CHFR: variants seen among roughly 807,000 people sequenced by gnomAD.
The protein encoded by CHFR is checkpoint with forkhead and ring finger domains, also known as E3 ubiquitin-protein ligase CHFR.
Under a neutral mutation model 87.6 loss-of-function variants are expected in CHFR, and 57 were observed. The observed-to-expected ratio is 0.65, with a 90% CI of 0.53 to 0.81. CHFR has a LOEUF of 0.81. Among genes scored for constraint, CHFR ranks in the 30% least tolerant of loss-of-function variants. CHFR has a pLI of 0.00. For missense variants in CHFR, 797 were observed against 865.8 expected (o/e 0.92, Z 1.00); for synonymous variants, 381 against 359.2 (o/e 1.06, Z -0.69).
intron 10 of CHFR, 71 bp downstream of exon 10, chr12:132,856,397 T>C (rs1333657607): frequency 1.4e-5 from 21 of 1,533,320 alleles, no homozygotes; most frequent in South Asian, 6.8e-5. Flanking sequence ...CACCCAGTAG[T>C]GAGCTCTCGG....
In CHFR at chr12:132,835,631, G is replaced by GTA; in HGVS notation, c.*5922_*5923insTA. On this transcript the variant is annotated 3_prime_UTR_variant, in exon 18 of 18. Coordinates refer to ENST00000450056, the MANE Select transcript of CHFR (RefSeq NM_001161346.2). ...ACGAGCCAAGGAGACAGACCAAAGA[G>GTA]GAACCGGCCCCGCTGACACCCTGAT... is the stretch of plus-strand genomic sequence containing the variant. 2 of 190,074 alleles carry GTA rather than the reference G, an allele frequency of 1.1e-5. No individual in the cohort carries two copies. The highest frequency in any genetic ancestry group is 1.5e-4 in the South Asian group (2 of 12,994). 11.8% of individuals were successfully genotyped at this position (190,074 alleles called of 1,614,324 possible).
rs148932455 is a variant in CHFR, at chr12:132,861,636, T to C, written c.584-2A>G. On this transcript the variant is annotated splice_acceptor_variant, in intron 6 of 17. Coordinates refer to ENST00000450056, the MANE Select transcript of CHFR (RefSeq NM_001161346.2). LOFTEE classifies it high-confidence loss of function. ...GGGAGATGCCACCACCCCCAGACCCTGTGAGAGGAATCAAACAAGATAGGT... is the reference window on the plus strand; with the variant it reads ...GGGAGATGCCACCACCCCCAGACCCCGTGAGAGGAATCAAACAAGATAGGT... The C allele has an allele frequency of 7.9e-5, 127 of 1,613,550 alleles. No individual in the cohort carries two copies. Among genetic ancestry groups the C allele is most frequent in the Non-Finnish European group, 1.0e-4 (122 of 1,179,710 alleles).
chr12:132,851,854 A>C (rs1593460139), intron 11 of CHFR, 117 bp from the exon 12 acceptor site: 5 of 1,268,724 alleles, frequency 3.9e-6, no homozygotes, highest in Middle Eastern at 5.8e-4. Flanking sequence ...GCCGGGGAAG[A>C]AGCAGACCTG....
chr12:132,862,046 G>C (rs1951221319), intron 6 of CHFR: 1 of 205,182 alleles, frequency 4.9e-6, no homozygotes, highest in Admixed American at 5.3e-5. Context: ...GCCGAAGCAA[G>C]TGGATCACCT....
In CHFR at chr12:132,837,120, A is replaced by G. The variant is rs1437839693; in HGVS notation, c.*4434T>C. The stretch of plus-strand genomic sequence containing the variant: ...TGGTTCGGTGGAGAAGCAGAGGAAC[A>G]CCTGAGGGGCTCCAGGAGAAGCAGG... On this transcript the variant is annotated 3_prime_UTR_variant, in exon 18 of 18. Coordinates refer to ENST00000450056, the MANE Select transcript of CHFR (RefSeq NM_001161346.2). The G allele has an allele frequency of 1.3e-5, 4 of 298,000 alleles. No individual in the cohort carries two copies. Among genetic ancestry groups the G allele is most frequent in the Non-Finnish European group, 2.6e-5 (4 of 153,090 alleles). The allele number at this position is 298,000 out of a possible 1,614,324, so 18.5% of individuals were successfully genotyped here. A position where few individuals can be genotyped will look rare whatever the true frequency, so the allele number is the denominator to read the frequency against.
chr12:132,869,874 C>A (rs758453894), intron 5 of CHFR, 76 bp from the exon 6 acceptor site: 2 of 1,483,520 alleles, frequency 1.3e-6, no homozygotes, highest in Non-Finnish European at 9.2e-7. Context: ...ACAACCAGGG[C>A]TCAAGCAGAC....
intron 6 of CHFR, among the ~76,000 whole-genome samples, chr12:132,864,186 AACAC>A (rs1436064229): frequency 6.6e-6 from 1 of 151,954 alleles, no homozygotes; most frequent in African/African-American, 2.4e-5. Flanking sequence ...GAAAAAAAAA[AACAC>A]AAGAAACTGG....
intron 3 of CHFR, among the ~76,000 whole-genome samples, chr12:132,875,455 A>G (rs1951608551): frequency 6.6e-6 from 1 of 152,020 alleles, no homozygotes; most frequent in Non-Finnish European, 1.5e-5. Flanking sequence ...CAGCCTGGCT[A>G]GCATTGTGAA....
Position 132,843,777 on chromosome 12 carries a change from C to T in CHFR, c.1843+250G>A, listed in dbSNP as rs529253276. On this transcript the variant is annotated intron_variant, in intron 16 of 17. Coordinates refer to ENST00000450056, the MANE Select transcript of CHFR (RefSeq NM_001161346.2). ...CAGCCTGGCCAACATGGTGAAACCC[C>T]GTCTCTACTAAAACACAAAAAATTA... Among the ~76,000 whole-genome samples, 29 of 152,036 alleles carry T rather than the reference C, an allele frequency of 1.9e-4. No homozygotes were observed. The South Asian group carries it at 2.3e-3, about 12-fold the overall frequency.
rs1566177134 is a variant in CHFR at position 132,847,843 on chromosome 12, C to T, written c.1647+242G>A. 22 of 1,356,336 alleles carry T rather than the reference C, an allele frequency of 1.6e-5. No individual in the cohort carries two copies. The Middle Eastern group carries it at 1.4e-3, about 88-fold the overall frequency. 84.0% of individuals were successfully genotyped at this position (1,356,336 alleles called of 1,614,324 possible). A position where few individuals can be genotyped will look rare whatever the true frequency, so the allele number is the denominator to read the frequency against. On this transcript the variant is annotated intron_variant, in intron 14 of 17. Coordinates refer to ENST00000450056, the MANE Select transcript of CHFR (RefSeq NM_001161346.2). ...CAAGAGCTGCGGGAAGCGGCTCCTACGAATTGGTGGCAGGAGGCACAAAAA... is the reference window on the plus strand; with the variant it reads ...CAAGAGCTGCGGGAAGCGGCTCCTATGAATTGGTGGCAGGAGGCACAAAAA...
intron 10 of CHFR, chr12:132,854,239 T>C (rs1177120710): frequency 6.6e-6 from 1 of 151,726 alleles, no homozygotes; most frequent in Non-Finnish European, 1.5e-5. Context: ...GAAAATGAGA[T>C]TACCTACTTC....
chr12:132,853,336 G>A (rs1950987752), intron 11 of CHFR, 95 bp downstream of exon 11: 1 of 1,294,876 alleles, frequency 7.7e-7, no homozygotes, highest in Non-Finnish European at 1.0e-6. Context: ...GTGCAGACAG[G>A]AGGCGGGCAG....
intron 10 of CHFR, 21 bp from the exon 11 acceptor site, chr12:132,853,594 G>A (rs534389499): frequency 2.0e-5 from 31 of 1,519,906 alleles, no homozygotes; most frequent in Middle Eastern, 1.7e-4. Flanking sequence ...GCACAGGGCC[G>A]AGCTGTGTGC....
chr12:132,853,433 G>A lies in CHFR; in HGVS notation c.1370C>T (p.Thr457Ile). 1 of 1,523,990 alleles carries A rather than the reference G, an allele frequency of 6.6e-7. No homozygotes were observed. Among genetic ancestry groups the A allele is most frequent in the Non-Finnish European group, 8.7e-7 (1 of 1,144,756 alleles). 94.4% of individuals were successfully genotyped at this position (1,523,990 alleles called of 1,614,324 possible). The part of the protein sequence containing the change: ...DAPSTSVSLT[T>I]AVQDYVCPLQ... ...GGCCTGAGGGCGGCGCGGCTCACCTGTCGTCAGGCTGACGGACGTGGAGGG... is the reference window on the plus strand; with the variant it reads ...GGCCTGAGGGCGGCGCGGCTCACCTATCGTCAGGCTGACGGACGTGGAGGG... Residue 457 changes from threonine to isoleucine, a missense_variant and splice_region_variant, in exon 11 of 18, where the codon ACA becomes ATA. By Grantham distance (89) the Thr-to-Ile change is moderately conservative. Transcript: ENST00000450056.
chr12:132,849,972 TAGAC>T (rs1950904088), intron 12 of CHFR: 1 of 149,402 alleles, frequency 6.7e-6, no homozygotes, highest in Non-Finnish European at 1.5e-5. Context: ...TTATTTATTT[TAGAC>T]AGAGTCTTGC....
intron 13 of CHFR, 88 bp downstream of exon 13, chr12:132,848,553 G>A (rs1033520177): frequency 2.0e-6 from 2 of 1,006,756 alleles, no homozygotes; most frequent in Non-Finnish European, 3.0e-6. Context: ...TAAACATCAG[G>A]CTATGGACCC....
rs75850993 is a variant in CHFR at position 132,839,225 on chromosome 12, G to A, written c.*2329C>T. The A allele has an allele frequency of 0.014, 2,331 of 162,028 alleles. 41 individuals carry two copies. Among genetic ancestry groups the A allele is most frequent in the East Asian group, 0.059 (306 of 5,224 alleles). The allele number at this position is 162,028 out of a possible 1,614,324, so 10.0% of individuals were successfully genotyped here. A position where few individuals can be genotyped will look rare whatever the true frequency, so the allele number is the denominator to read the frequency against. On this transcript the variant is annotated 3_prime_UTR_variant, in exon 18 of 18. Coordinates refer to ENST00000450056, the MANE Select transcript of CHFR (RefSeq NM_001161346.2). Reference sequence around the variant, plus strand: ...CAACCGATCTCTCTAAGACACAGACGCAGGGTAGCCCCAGCCCACTTCATT... The same window carrying A: ...CAACCGATCTCTCTAAGACACAGACACAGGGTAGCCCCAGCCCACTTCATT...
At chr12:132,876,630 CA>C (rs1273035191) in intron 3 of CHFR, among the ~76,000 whole-genome samples, 1 of 152,022 alleles carries the variant, frequency 6.6e-6, no homozygotes, top group African/African-American at 2.4e-5. Flanking sequence ...CAAAAATTAC[CA>C]GCATCTTTTA....
At position 132,861,559 on chromosome 12, in the gene CHFR, G is replaced by A; in HGVS notation, c.659C>T (p.Ser220Leu). ...VASDEVSSFA[S>L]ALPDRKTASF... ...CGCAGTCTTTCTGTCTGGGAGAGCT[G>A]AGGCAAAGCTGGAGACTTCATCACT... is the stretch of plus-strand genomic sequence containing the variant. Residue 220 changes from serine (S) to leucine (L), a missense_variant, in exon 7 of 18, where the codon TCA (serine) becomes TTA (leucine). Physicochemically the swap from Ser to Leu is moderately radical, Grantham distance 145 (BLOSUM62 -2). This residue lies in a region of CHFR where 597 missense variants were observed against 601.2 expected (regional missense o/e 0.99). Coordinates refer to ENST00000450056, the MANE Select transcript of CHFR (RefSeq NM_001161346.2). 2 of 1,614,200 alleles carry A rather than the reference G, an allele frequency of 1.2e-6. No individual in the cohort carries two copies. Among genetic ancestry groups the A allele is most frequent in the Non-Finnish European group, 1.7e-6 (2 of 1,180,038 alleles).
Sources: allele counts gnomAD v4.1 joint callset (sites outside exome capture counted in the v4.1 genomes callset), GRCh38; gene constraint gnomAD v4.1.1; regional missense constraint gnomAD v4.1.1; transcripts MANE v1.5; gene names NCBI Gene and HGNC (gene_info 2026-07-23, HGNC 2026-07-21).